Variants in ADAMTS2 observed in about 807,000 individuals in gnomAD.
ADAMTS2 encodes ADAM metallopeptidase with thrombospondin type 1 motif 2.
Under a neutral mutation model 123.0 loss-of-function variants are expected in ADAMTS2, and 50 were observed. That is an observed-to-expected ratio of 0.41 (90% CI 0.32 to 0.51). ADAMTS2 has a LOEUF of 0.51. Among genes scored for constraint, ADAMTS2 ranks in the 20% least tolerant of loss-of-function variants. The probability of loss-of-function intolerance (pLI) is 0.35; values close to 1 mark genes in which losing one functional copy is unlikely to be tolerated. For synonymous variants in ADAMTS2, 678 were observed against 695.4 expected (o/e 0.98, Z 0.39); for missense variants, 1,494 against 1,705.2 (o/e 0.88, Z 2.18).
intron 2 of ADAMTS2, among the ~76,000 whole-genome samples, chr5:179,323,559 C>T (rs1429053476): frequency 6.6e-6 from 1 of 152,192 alleles, no homozygotes; most frequent in Admixed American, 6.5e-5. Context: ...AACCTGGGCT[C>T]CATAAACTGG....
In ADAMTS2 at chr5:179,197,909, G is replaced by C. The variant is rs1764465345; in HGVS notation, c.891+9604C>G. ...TGTCAGGCCCAAGCCCACTCTTTAG[G>C]GGTGCCCAGGCCCACACACATGGCC... is the stretch of plus-strand genomic sequence containing the variant. On this transcript the variant is annotated intron_variant, in intron 4 of 21. Transcript: ENST00000251582. This position sits in a 1 kb window ranked among gnomAD's most constrained non-coding sequence, Gnocchi z 4.2. Among the ~76,000 whole-genome samples, 1 of 152,114 alleles carries C rather than the reference G, an allele frequency of 6.6e-6. No homozygotes were observed.
Position 179,133,090 on chromosome 5 carries a change from G to A in ADAMTS2, c.2086-190C>T, listed in dbSNP as rs114650849. Among the ~76,000 whole-genome samples the A allele has an allele frequency of 0.014, 2,081 of 151,854 alleles. 43 individuals carry two copies. Among genetic ancestry groups the A allele is most frequent in the African/African-American group, 0.047 (1,948 of 41,390 alleles). ...TTTATTATCTCCAAAATCAGAGTGC[G>A]TCTAGTCATCAGTTAAACGGACCTT... On this transcript the variant is annotated intron_variant, in intron 13 of 21. Transcript: ENST00000251582.
chr5:179,267,491 C>A (rs1766406197), intron 3 of ADAMTS2, among the ~76,000 whole-genome samples: 1 of 152,214 alleles, frequency 6.6e-6, no homozygotes, highest in Non-Finnish European at 1.5e-5. Flanking sequence ...TGTCTGACTT[C>A]TCTTCCTTCA....
Position 179,205,835 on chromosome 5 carries a change from G to T in ADAMTS2, c.891+1678C>A, listed in dbSNP as rs183818833. ...CACTGAGGCTAGAGTGCAGTGGTGC[G>T]ATCTCAGCTCACTGCAAGCTCCGCC... On this transcript the variant is annotated intron_variant, in intron 4 of 21. Transcript: ENST00000251582. Among the ~76,000 whole-genome samples the T allele has an allele frequency of 7.1e-4, 107 of 151,708 alleles. 1 individual carries two copies. The East Asian group carries it at 0.019, about 28-fold the overall frequency.
chr5:179,249,868 C>T (rs571682041), intron 3 of ADAMTS2, among the ~76,000 whole-genome samples: 1 of 152,222 alleles, frequency 6.6e-6, no homozygotes, highest in South Asian at 2.1e-4. Flanking sequence ...ACCCTGATAC[C>T]GAAACCAGAC....
chr5:179,201,337 G>C (rs1416813964), intron 4 of ADAMTS2, among the ~76,000 whole-genome samples: 1 of 152,160 alleles, frequency 6.6e-6, no homozygotes, highest in Non-Finnish European at 1.5e-5. Context: ...AATAAGTTTT[G>C]CTATGTGAAT....
chr5:179,187,815 C>T (rs995777405), intron 4 of ADAMTS2, among the ~76,000 whole-genome samples: 1 of 152,216 alleles, frequency 6.6e-6, no homozygotes, highest in African/African-American at 2.4e-5. Context: ...AGGCCAAGGG[C>T]TCTCTTGTTT....
Position 179,344,132 on chromosome 5 carries a change from T to C in ADAMTS2, c.169A>G (p.Ile57Val), listed in dbSNP as rs768252348. ...TCAGTGCGCACGGGCACCGCCAGGA[T>C]GCGCTCCGCTCCGTGCCCCAGGGGC... The part of the protein sequence containing the change: ...GGPLGHGAER[I>V]LAVPVRTDAQ... The change falls in exon 2 of 22, where the codon ATC becomes GTC. Residue 57 changes from isoleucine to valine, a missense_variant. By Grantham distance (29) the Ile-to-Val change is conservative. Around this residue, in one of 6 missense-constraint regions of ADAMTS2, gnomAD observed 237 missense variants for 233.7 expected, o/e 1.01. Coordinates refer to ENST00000251582, the MANE Select transcript of ADAMTS2 (RefSeq NM_014244.5). 7.5e-6 allele frequency: 12 copies of C among 1,604,842 alleles called. No individual in the cohort carries two copies. In the African/African-American group the frequency reaches 1.2e-4, roughly 16 times the overall value.
At chr5:179,203,447 G>A (rs1435422819) in intron 4 of ADAMTS2, among the ~76,000 whole-genome samples, 3 of 152,220 alleles carry the variant, frequency 2.0e-5, no homozygotes, top group Non-Finnish European at 4.4e-5. Context: ...CAGCCACGGG[G>A]AGCCCTGTGA....
At chr5:179,167,765 C>T (rs1456959125) in intron 5 of ADAMTS2, among the ~76,000 whole-genome samples, 1 of 152,240 alleles carries the variant, frequency 6.6e-6, no homozygotes, top group Non-Finnish European at 1.5e-5. Context: ...TACTTGTCCC[C>T]ACCTGCAAAA....
intron 2 of ADAMTS2, among the ~76,000 whole-genome samples, chr5:179,328,516 G>C (rs1161722402): frequency 6.6e-6 from 1 of 152,230 alleles, no homozygotes; most frequent in African/African-American, 2.4e-5. Context: ...GCTTGGGCTT[G>C]CCAGGTCAAC....
intron 2 of ADAMTS2, among the ~76,000 whole-genome samples, chr5:179,322,497 C>T (rs770641813): frequency 7.2e-5 from 11 of 152,330 alleles, no homozygotes; most frequent in Middle Eastern, 3.4e-3. Flanking sequence ...CCCTGAGCCA[C>T]GCTGGGTCCT....
intron 4 of ADAMTS2, among the ~76,000 whole-genome samples, chr5:179,195,618 C>A (rs931708657): frequency 6.6e-6 from 1 of 152,250 alleles, no homozygotes; most frequent in Non-Finnish European, 1.5e-5. Flanking sequence ...CCTCTCCGGT[C>A]GCCCGAGTCC....
chr5:179,292,944 A>AG (rs1006789774), intron 2 of ADAMTS2, among the ~76,000 whole-genome samples: 1 of 152,154 alleles, frequency 6.6e-6, no homozygotes, highest in African/African-American at 2.4e-5. Context: ...CCATCCAAAG[A>AG]GAAGCCCTCC....
intron 2 of ADAMTS2, among the ~76,000 whole-genome samples, chr5:179,277,058 C>T (rs1766717322): frequency 6.6e-6 from 1 of 152,148 alleles, no homozygotes; most frequent in African/African-American, 2.4e-5. Flanking sequence ...CCATCTGATG[C>T]TGCCCTGGGC....
chr5:179,173,614 G>C (rs538298473), intron 5 of ADAMTS2, among the ~76,000 whole-genome samples: 1 of 152,330 alleles, frequency 6.6e-6, no homozygotes, highest in East Asian at 1.9e-4. Context: ...CATGACCCTT[G>C]TCTTGTTCCT....
chr5:179,191,544 A>G (rs1764307042), intron 4 of ADAMTS2, among the ~76,000 whole-genome samples: 1 of 151,874 alleles, frequency 6.6e-6, no homozygotes, highest in South Asian at 2.1e-4. Flanking sequence ...TGACCTAAGG[A>G]AAGAGGGAAG....
chr5:179,207,475 T>TCCCCCCCCCCCCCCCC, intron 4 of ADAMTS2, 38 bp downstream of exon 4: 1 of 588,616 alleles, frequency 1.7e-6, no homozygotes, highest in Non-Finnish European at 3.2e-6. Context: ...TGGTTGACCC[T>TCCCCCCCCCCCCCCCC]CCCCGCCCCA....
At chr5:179,125,899 G>A (rs550471893) in intron 18 of ADAMTS2, 99 bp downstream of exon 18, 37 of 1,530,806 alleles carry the variant, frequency 2.4e-5, no homozygotes, top group South Asian at 1.5e-4. Flanking sequence ...CAAATGCCTC[G>A]GATGATGCCA....
Sources: gnomAD v4.1 joint callset for allele counts (sites outside exome capture counted in the v4.1 genomes callset) on GRCh38, gnomAD v4.1.1 for gene constraint, gnomAD v4.1.1 regional missense constraint, Gnocchi (gnomAD v3.1) non-coding constraint, MANE v1.5 for transcripts, NCBI Gene and HGNC (gene_info 2026-07-23, HGNC 2026-07-21) for gene names.